Variants in SETD1A observed in about 807,000 individuals in gnomAD.
SETD1A encodes the protein histone-lysine N-methyltransferase SETD1A.
SETD1A carries 29 observed loss-of-function variants against 149.9 expected under a neutral mutation model. That is an observed-to-expected ratio of 0.19 (90% CI 0.14 to 0.26). The LOEUF (loss-of-function observed/expected upper bound fraction) is 0.26. SETD1A is among the 10% of genes least tolerant of loss of function. The pLI, the probability that SETD1A is intolerant of heterozygous loss-of-function variation, is 1.00. For missense variants in SETD1A, 2,109 were observed against 2,353.1 expected, an observed-to-expected ratio of 0.90 and a Z score of 2.15; for synonymous variants, 1,141 against 968.5, an observed-to-expected ratio of 1.18 and a Z score of -3.31.
intron 13 of SETD1A, 138 bp downstream of exon 13, chr16:30,971,857 A>C (rs1055200090): frequency 8.6e-7 from 1 of 1,160,174 alleles, no homozygotes; most frequent in African/African-American, 1.6e-5. Context: ...ATCTCCTGTC[A>C]CTACCTTCTA....
At position 30,971,397 on chromosome 16, in the gene SETD1A, T is replaced by C. The variant is rs754069211; in HGVS notation, c.3036T>C (p.Asp1012=). 6 of 1,588,294 alleles carry C rather than the reference T, an allele frequency of 3.8e-6. No individual in the cohort carries two copies. In the African/African-American group the frequency reaches 4.0e-5, roughly 11 times the overall value. The change falls in exon 13 of 19, where the codon GAT becomes GAC. Residue 1012 remains aspartate (D), a synonymous_variant. Coordinates refer to ENST00000262519, the MANE Select transcript of SETD1A (RefSeq NM_014712.3). ...TTCCAGGCGAGGACGAGGAAAGCGA[T>C]TCGTCTTCCAAATGTTCTCTGTATG... ...EVSDGEDEES[D]SSSKCSLYAD...
chr16:30,982,308 C>T, intron 17 of SETD1A, among the ~76,000 whole-genome samples: 1 of 151,952 alleles, frequency 6.6e-6, no homozygotes, highest in East Asian at 1.9e-4. Flanking sequence ...CGAGACCAGC[C>T]TGGCCAGCAT....
intron 6 of SETD1A, 127 bp from the exon 7 acceptor site, chr16:30,964,485 C>T (rs911568942): frequency 3.2e-5 from 48 of 1,486,586 alleles, no homozygotes; most frequent in Middle Eastern, 3.6e-4. Context: ...AACACACTAG[C>T]TAGGAACCCA....
At chr16:30,968,500 A>C (rs188103396) in intron 10 of SETD1A, among the ~76,000 whole-genome samples, 4 of 151,104 alleles carry the variant, frequency 2.6e-5, no homozygotes, top group Non-Finnish European at 5.9e-5. Context: ...ACACACACAT[A>C]TGCGTATCTG....
chr16:30,971,559 G>A lies in SETD1A; in HGVS notation c.3198G>A (p.Glu1066=), dbSNP rs372982689. Residue 1066 remains glutamate (E), a synonymous_variant, in exon 13 of 19, where the codon GAG becomes GAA. Coordinates refer to ENST00000262519, the MANE Select transcript of SETD1A (RefSeq NM_014712.3). ...SSSESSSEDE[E]EEERPAALPS... ...CTGAGTCCTCCTCTGAAGATGAAGA[G>A]GAAGAGGAGCGGCCAGCAGCCCTTC... 1 of 1,613,880 alleles carries A rather than the reference G, an allele frequency of 6.2e-7. No homozygotes were observed. Among genetic ancestry groups the A allele is most frequent in the Non-Finnish European group, 8.5e-7 (1 of 1,179,926 alleles).
rs1472402489 is a variant in SETD1A at position 30,979,945 on chromosome 16, G to A, written c.4159G>A (p.Gly1387Ser). Residue 1387 changes from glycine to serine, a missense_variant, in exon 14 of 19, where the codon GGC (glycine) becomes AGC (serine). Physicochemically the swap from Gly to Ser is moderately conservative, Grantham distance 56 (BLOSUM62 0). This residue lies in a region of SETD1A where 832 missense variants were observed against 815.6 expected (regional missense o/e 1.02). Coordinates refer to ENST00000262519, the MANE Select transcript of SETD1A (RefSeq NM_014712.3). ...SDSSSSSDGE[G>S]ALRRRSLRSH... The stretch of plus-strand genomic sequence containing the variant: ...CAGCAGCAGCAGCAGCGATGGGGAG[G>A]GCGCCCTCCGGAGGCGCAGCCTCCG... The A allele has an allele frequency of 1.2e-5, 19 of 1,533,276 alleles. No homozygotes were observed. The highest frequency in any genetic ancestry group is 1.7e-5 in the Non-Finnish European group (19 of 1,144,378). 95.0% of individuals were successfully genotyped at this position (1,533,276 alleles called of 1,614,324 possible). A position where few individuals can be genotyped will look rare whatever the true frequency, so the allele number is the denominator to read the frequency against.
In SETD1A at chr16:30,965,994, G is replaced by T. The variant is rs1317821801; in HGVS notation, c.2113G>T (p.Gly705Cys). ...QGKGLIAASA[G>C]PPGGAFGEAF... Reference sequence around the variant, plus strand: ...CAAGGGATTGATTGCCGCCTCAGCTGGCCCCCCCGGTGGGGCCTTTGGGGA... The same window carrying T: ...CAAGGGATTGATTGCCGCCTCAGCTTGCCCCCCCGGTGGGGCCTTTGGGGA... Residue 705 changes from glycine (G) to cysteine (C), a missense_variant, in exon 8 of 19, where the codon GGC (glycine) becomes TGC (cysteine). Transcript: ENST00000262519. 1 of 1,579,078 alleles carries T rather than the reference G, an allele frequency of 6.3e-7. No individual in the cohort carries two copies. Among genetic ancestry groups the T allele is most frequent in the Non-Finnish European group, 8.6e-7 (1 of 1,162,146 alleles).
chr16:30,961,446 C>T lies in SETD1A; in HGVS notation c.426C>T (p.Phe142=), dbSNP rs2056050735. The change falls in exon 4 of 19, where the codon TTC becomes TTT. Residue 142 remains phenylalanine (F), a synonymous_variant. Transcript: ENST00000262519. The surrounding 1 kb of genome is among the most constrained non-coding windows in gnomAD (Gnocchi z 4.0). ...ACCTGGGCCTGGCCCGTGTGCTCTTCACCAGCACTCGGGGCGCCAAGGAAA... is the reference window on the plus strand; with the variant it reads ...ACCTGGGCCTGGCCCGTGTGCTCTTTACCAGCACTCGGGGCGCCAAGGAAA... ...RKHLGLARVL[F]TSTRGAKETV... 1.2e-6 allele frequency: 2 copies of T among 1,614,146 alleles called. No individual in the cohort carries two copies. The highest frequency in any genetic ancestry group is 8.5e-7 in the Non-Finnish European group (1 of 1,179,982).
chr16:30,961,240 C>A lies in SETD1A; in HGVS notation c.247-27C>A, dbSNP rs753775912. ...AGGAACAGTGGTCAGTGTTGAGACCCCATACCAACTCCTGTTCTTTCCCCA... is the reference window on the plus strand; with the variant it reads ...AGGAACAGTGGTCAGTGTTGAGACCACATACCAACTCCTGTTCTTTCCCCA... On this transcript the variant is annotated intron_variant, in intron 3 of 18. Coordinates refer to ENST00000262519, the MANE Select transcript of SETD1A (RefSeq NM_014712.3). This position sits in a 1 kb window ranked among gnomAD's most constrained non-coding sequence, Gnocchi z 4.0. 6.2e-7 allele frequency: 1 copy of A among 1,612,492 alleles called. No homozygotes were observed. Among genetic ancestry groups the A allele is most frequent in the Non-Finnish European group, 8.5e-7 (1 of 1,178,680 alleles).
chr16:30,967,860 G>A (rs1007703222), intron 10 of SETD1A, among the ~76,000 whole-genome samples: 29 of 152,094 alleles, frequency 1.9e-4, no homozygotes, highest in African/African-American at 6.8e-4. Context: ...ACAGAATTCC[G>A]AGTTAAACGA....
Position 30,980,192 on chromosome 16 carries a change from C to G in SETD1A, c.4406C>G (p.Thr1469Arg). 1 of 1,601,934 alleles carries G rather than the reference C, an allele frequency of 6.2e-7. No homozygotes were observed. Among genetic ancestry groups the G allele is most frequent in the Non-Finnish European group, 8.5e-7 (1 of 1,173,542 alleles). ...AACGACACTCACTGGGTCCATCACA[C>G]AAATATCCTGAGTGTGGGCGGCCTT... Reference protein sequence around the residue: ...WLNDTHWVHHTITNLTTPKRK... With the variant: ...WLNDTHWVHHRITNLTTPKRK... Residue 1469 changes from threonine (T) to arginine (R), a missense_variant and splice_region_variant, in exon 14 of 19, where the codon ACA (threonine) becomes AGA (arginine). Physicochemically the swap from Thr to Arg is moderately conservative, Grantham distance 71. This residue lies in a region of SETD1A where 254 missense variants were observed against 409.3 expected (regional missense o/e 0.62). Transcript: ENST00000262519. The surrounding 1 kb of genome is among the most constrained non-coding windows in gnomAD (Gnocchi z 7.7).
intron 17 of SETD1A, among the ~76,000 whole-genome samples, chr16:30,981,413 T>C (rs1188595658): frequency 1.3e-5 from 2 of 152,176 alleles, no homozygotes; most frequent in African/African-American, 4.8e-5. Context: ...TCTCTCTCTG[T>C]TGCCAGGCTG....
At chr16:30,962,045 A>T (rs927367412) in intron 4 of SETD1A, among the ~76,000 whole-genome samples, 2 of 146,084 alleles carry the variant, frequency 1.4e-5, no homozygotes, top group Non-Finnish European at 3.0e-5. Context: ...GTCTCACTAC[A>T]CTGCCCAGCC....
chr16:30,970,304 G>T (rs994576644), intron 12 of SETD1A, among the ~76,000 whole-genome samples: 20 of 132,030 alleles, frequency 1.5e-4, no homozygotes, highest in Admixed American at 2.5e-4. Context: ...GTCTCGCTTT[G>T]TCACCCAGGC....
At chr16:30,981,954 A>T (rs2056384126) in intron 17 of SETD1A, among the ~76,000 whole-genome samples, 1 of 152,072 alleles carries the variant, frequency 6.6e-6, no homozygotes, top group African/African-American at 2.4e-5. Flanking sequence ...GTGTCTCTAG[A>T]AAAAACAAAA....
Position 30,965,078 on chromosome 16 carries a change from G to A in SETD1A, c.1336G>A (p.Gly446Arg), listed in dbSNP as rs779913286. The A allele has an allele frequency of 6.2e-7, 1 of 1,611,170 alleles. No homozygotes were observed. Among genetic ancestry groups the A allele is most frequent in the African/African-American group, 1.3e-5 (1 of 74,894 alleles). Residue 446 changes from glycine (G) to arginine (R), a missense_variant, in exon 7 of 19, where the codon GGA (glycine) becomes AGA (arginine). Around this residue, in one of 8 missense-constraint regions of SETD1A, gnomAD observed 410 missense variants for 394.8 expected, o/e 1.04. Coordinates refer to ENST00000262519, the MANE Select transcript of SETD1A (RefSeq NM_014712.3). ...TCCAGAACCTGGTGGAGGCGGGGGT[G>A]GAGGAGGGCCCAGCCCTGAGAGAGA... ...EPPEPGGGGGGGGPSPEREEV... is the reference protein window; with the variant it reads ...EPPEPGGGGGRGGPSPEREEV...
In SETD1A at chr16:30,984,124, C is replaced by T. The variant is rs1298602094; in HGVS notation, c.*101C>T. The T allele has an allele frequency of 8.8e-7, 1 of 1,141,058 alleles. No homozygotes were observed. Among genetic ancestry groups the T allele is most frequent in the Non-Finnish European group, 1.2e-6 (1 of 826,760 alleles). 70.7% of individuals were successfully genotyped at this position (1,141,058 alleles called of 1,614,324 possible). A position where few individuals can be genotyped will look rare whatever the true frequency, so the allele number is the denominator to read the frequency against. On this transcript the variant is annotated 3_prime_UTR_variant, in exon 19 of 19. Transcript: ENST00000262519. Reference sequence around the variant, plus strand: ...AGTGGGCTCAGCAGGGCCCACATGCCCCCATCTCCAAGCGTGGGGTTGGGG... The same window carrying T: ...AGTGGGCTCAGCAGGGCCCACATGCTCCCATCTCCAAGCGTGGGGTTGGGG...
rs2056146718 is a variant in SETD1A at position 30,966,303 on chromosome 16, C to T, written c.2422C>T (p.Arg808Ter). The T allele has an allele frequency of 6.2e-7, 1 of 1,613,912 alleles. No homozygotes were observed. ...CCAGGAGATGAAGAGCATCATGCAGCGAGACCTCAACCGCAAGATGGTGGA... is the reference window on the plus strand; with the variant it reads ...CCAGGAGATGAAGAGCATCATGCAGTGAGACCTCAACCGCAAGATGGTGGA... ...LVQEMKSIMQ[R>*]DLNRKMVENV... The change falls in exon 8 of 19, where the codon CGA becomes TGA. Residue 808 changes from arginine (R) to a stop codon, truncating the protein, a stop_gained. Transcript: ENST00000262519. LOFTEE classifies it high-confidence loss of function.
chr16:30,966,083 A>G lies in SETD1A; in HGVS notation c.2202A>G (p.Ala734=). 1.3e-6 allele frequency: 2 copies of G among 1,589,838 alleles called. No individual in the cohort carries two copies. The highest frequency in any genetic ancestry group is 2.2e-5 in the East Asian group (1 of 44,590). Residue 734 remains alanine, a synonymous_variant, in exon 8 of 19, where the codon GCA becomes GCG. Coordinates refer to ENST00000262519, the MANE Select transcript of SETD1A (RefSeq NM_014712.3). ...ACGGCTTGCCGTATGCTCTATATGC[A>G]CAGGGGCAGGAGGGCAGAGGGGCAT... ...AAYGLPYALY[A]QGQEGRGAYS... is the part of the protein sequence containing the mutation.
Sources: allele counts gnomAD v4.1 joint callset (sites outside exome capture counted in the v4.1 genomes callset), GRCh38; gene constraint gnomAD v4.1.1; regional missense constraint gnomAD v4.1.1; non-coding constraint Gnocchi (gnomAD v3.1); transcripts MANE v1.5; gene names NCBI Gene and HGNC (gene_info 2026-07-23, HGNC 2026-07-21).